LIPA: variants seen among roughly 807,000 people sequenced by gnomAD.
The protein encoded by LIPA is lipase A, lysosomal acid type.
LIPA carries 26 observed loss-of-function variants against 40.6 expected under a neutral mutation model. That is an observed-to-expected ratio of 0.64 (90% CI 0.47 to 0.89). LIPA has a LOEUF of 0.89. Among genes scored for constraint, LIPA ranks in the 40% least tolerant of loss-of-function variants. The pLI is 0.00. For synonymous variants in LIPA, 188 were observed against 168.4 expected, an observed-to-expected ratio of 1.12 and a Z score of -0.90; for missense variants, 455 against 479.6, an observed-to-expected ratio of 0.95 and a Z score of 0.48.
upstream of LIPA, among the ~76,000 whole-genome samples, chr10:89,345,560 AAATAAATAAAGG>A (rs1488566382): frequency 6.6e-6 from 1 of 151,702 alleles, no homozygotes; most frequent in African/African-American, 2.4e-5. Context: ...ATAAATAAAT[AAATAAATAAAGG>A]AACAATAGTG....
At chr10:89,245,356 A>C (rs1843010564) in intron 3 of LIPA, among the ~76,000 whole-genome samples, 1 of 152,222 alleles carries the variant, frequency 6.6e-6, no homozygotes, top group Non-Finnish European at 1.5e-5. Context: ...AATTCAAAAA[A>C]ATTAAATAAT....
chr10:89,232,764 T>C (rs1270749822), intron 3 of LIPA, among the ~76,000 whole-genome samples: 1 of 152,236 alleles, frequency 6.6e-6, no homozygotes, highest in African/African-American at 2.4e-5. Flanking sequence ...AAAGTCTCTG[T>C]ACTTCCCTCT....
At chr10:89,240,971 C>T (rs1842958567) in intron 3 of LIPA, among the ~76,000 whole-genome samples, 1 of 152,108 alleles carries the variant, frequency 6.6e-6, no homozygotes, top group Non-Finnish European at 1.5e-5. Context: ...TGACAGAGGT[C>T]ACACACATCA....
chr10:89,339,910 T>C, intron 1 of LIPA: 1 of 1,614,144 alleles, frequency 6.2e-7, no homozygotes, highest in Non-Finnish European at 8.5e-7. Flanking sequence ...AAATTATTGG[T>C]ATCTTCAAGG....
At position 89,239,673 on chromosome 10, in the gene LIPA, A is replaced by T. The variant is rs144670955; in HGVS notation, c.229+6003T>A. Among the ~76,000 whole-genome samples, 29 of 152,350 alleles carry T rather than the reference A, an allele frequency of 1.9e-4. 1 individual carries two copies. In the East Asian group the frequency reaches 5.2e-3, roughly 27 times the overall value. ...CAATAATCACTCTGATCACCAGGCA[A>T]CACGAAGGCAGTAATGTGGTCTGTC... On this transcript the variant is annotated intron_variant, in intron 3 of 9. Coordinates refer to ENST00000336233, the MANE Select transcript of LIPA (RefSeq NM_000235.4).
In LIPA at chr10:89,401,330, C is replaced by A. The variant is rs184625680; in HGVS notation, c.61+11461G>T. On this transcript the variant is annotated intron_variant, in intron 2 of 8. Coordinates refer to the LIPA transcript ENST00000371837. ...AGAGACAGGATTTCACCATGTTGGT[C>A]AGCTGGTCTCAAACTCCTGACCTCA... Among the ~76,000 whole-genome samples the A allele has an allele frequency of 1.3e-4, 20 of 152,024 alleles. No homozygotes were observed. In the East Asian group the frequency reaches 3.9e-3, roughly 29 times the overall value.
At chr10:89,344,403 T>C (rs972439901), upstream of LIPA, among the ~76,000 whole-genome samples, 6 of 152,314 alleles carry the variant, frequency 3.9e-5, no homozygotes, top group Admixed American at 3.9e-4. Flanking sequence ...TGGTACATTG[T>C]ATCATAGAAC....
At position 89,384,234 on chromosome 10, in the gene LIPA, C is replaced by A. The variant is rs576394167; in HGVS notation, c.61+28557G>T. The A allele has an allele frequency of 5.6e-6, 9 of 1,614,170 alleles. No individual in the cohort carries two copies. In the East Asian group the frequency reaches 2.0e-4, roughly 36 times the overall value. Reference sequence around the variant, plus strand: ...TGATCCAAATCAAGGAAGCTACAAACTGGCAGCCTAGAGGGCAAGATAGGG... The same window carrying A: ...TGATCCAAATCAAGGAAGCTACAAAATGGCAGCCTAGAGGGCAAGATAGGG... On this transcript the variant is annotated intron_variant, in intron 2 of 8. Coordinates refer to the LIPA transcript ENST00000371837.
intron 1 of LIPA, among the ~76,000 whole-genome samples, chr10:89,324,585 T>A (rs1290029401): frequency 6.6e-6 from 1 of 152,074 alleles, no homozygotes; most frequent in Admixed American, 6.5e-5. Flanking sequence ...AACAAGCAAC[T>A]GACAGATGGG....
chr10:89,404,433 T>C (rs1484388810), intron 2 of LIPA: 1 of 152,242 alleles, frequency 6.6e-6, no homozygotes, highest in Non-Finnish European at 1.5e-5. Flanking sequence ...CTAATTTTGC[T>C]GTATTTTAAT....
intron 1 of LIPA, among the ~76,000 whole-genome samples, chr10:89,274,406 CG>C (rs968660276): frequency 3.9e-5 from 6 of 152,052 alleles, no homozygotes; most frequent in African/African-American, 1.4e-4. Flanking sequence ...GGAGCAGTGA[CG>C]GGGTATGTGT....
intron 2 of LIPA, among the ~76,000 whole-genome samples, chr10:89,376,789 T>G (rs1844125183): frequency 6.6e-6 from 1 of 152,222 alleles, no homozygotes; most frequent in African/African-American, 2.4e-5. Context: ...AGATACCCAA[T>G]TATAGAATCA....
chr10:89,217,314 G>T (rs1176182187), intron 8 of LIPA, among the ~76,000 whole-genome samples: 1 of 152,190 alleles, frequency 6.6e-6, no homozygotes, highest in Non-Finnish European at 1.5e-5. Context: ...GATTGTTACA[G>T]GAGAAATATT....
intron 8 of LIPA, among the ~76,000 whole-genome samples, chr10:89,220,731 C>T (rs1842687561): frequency 6.6e-6 from 1 of 152,066 alleles, no homozygotes; most frequent in East Asian, 1.9e-4. Context: ...AGAGACGAGC[C>T]CCAGGGAAAG....
chr10:89,217,963 A>T (rs1842648913), intron 8 of LIPA, among the ~76,000 whole-genome samples: 1 of 152,210 alleles, frequency 6.6e-6, no homozygotes, highest in Non-Finnish European at 1.5e-5. Context: ...AAATATAAAT[A>T]AAATACAAAC....
intron 2 of LIPA, among the ~76,000 whole-genome samples, chr10:89,380,089 G>A (rs961421115): frequency 3.3e-5 from 5 of 151,974 alleles, no homozygotes; most frequent in Admixed American, 6.5e-5. Flanking sequence ...GGAGTTGACA[G>A]AAAGCAAGCC....
At chr10:89,386,229 C>T (rs1844209462) in intron 2 of LIPA, among the ~76,000 whole-genome samples, 1 of 152,056 alleles carries the variant, frequency 6.6e-6, no homozygotes, top group East Asian at 1.9e-4. Context: ...TTTCAAAAAA[C>T]TAGGGAGGCA....
intron 2 of LIPA, among the ~76,000 whole-genome samples, chr10:89,388,473 C>T (rs181905395): frequency 3.3e-5 from 5 of 152,056 alleles, no homozygotes; most frequent in East Asian, 3.9e-4. Context: ...TATTCAGAGA[C>T]GGTTGTTGGT....
rs1841508899 is a variant in LIPA at position 89,414,531 on chromosome 10, T to C, written c.-196A>G. ...TGAGCTCTTCTATTAAGTTTCGGTT[T>C]CTGAAGCTTACGTTTAGTTTCGATT... On this transcript the variant is annotated 5_prime_UTR_variant, in exon 1 of 9. Transcript: ENST00000371837. 6.9e-6 allele frequency: 3 copies of C among 437,430 alleles called. No homozygotes were observed. The South Asian group carries it at 1.4e-4, about 21-fold the overall frequency. The allele number at this position is 437,430 out of a possible 1,614,324, so 27.1% of individuals were successfully genotyped here. A position where few individuals can be genotyped will look rare whatever the true frequency, so the allele number is the denominator to read the frequency against.
Sources: gnomAD v4.1 joint callset for allele counts (sites outside exome capture counted in the v4.1 genomes callset) on GRCh38, gnomAD v4.1.1 for gene constraint, MANE v1.5 for transcripts, NCBI Gene and HGNC (gene_info 2026-07-23, HGNC 2026-07-21) for gene names.